ATF7IP2: variants seen among roughly 807,000 people sequenced by gnomAD.
ATF7IP2 encodes the protein activating transcription factor 7 interacting protein 2, also known as activating transcription factor 7-interacting protein 2.
ATF7IP2 carries 42 observed loss-of-function variants against 64.2 expected under a neutral mutation model. That is an observed-to-expected ratio of 0.65 (90% CI 0.51 to 0.85). ATF7IP2 has a LOEUF of 0.85. Ranked by LOEUF, ATF7IP2 falls within the 40% of genes least tolerant of loss-of-function variation. ATF7IP2 has a pLI of 0.00. For missense variants in ATF7IP2, 933 were observed against 784.2 expected, an observed-to-expected ratio of 1.19 and a Z score of -2.27; for synonymous variants, 308 against 272.8, an observed-to-expected ratio of 1.13 and a Z score of -1.27.
chr16:10,470,286 T>C lies in ATF7IP2; in HGVS notation c.1353-1824T>C, dbSNP rs190816818. Among the ~76,000 whole-genome samples the C allele has an allele frequency of 1.4e-4, 22 of 152,266 alleles. No individual in the cohort carries two copies. The East Asian group carries it at 4.2e-3, about 29-fold the overall frequency. ...TTTGAAATTTAAAATGGATGCCATT[T>C]ACAATGACTTCAGAGAACATAATAT... On this transcript the variant is annotated intron_variant, in intron 9 of 13. Transcript: ENST00000562102.
intron 7 of ATF7IP2, 119 bp downstream of exon 7, chr16:10,438,354 A>T (rs1532824): frequency 5.9e-6 from 6 of 1,015,846 alleles, no homozygotes; most frequent in Non-Finnish European, 6.8e-6. Flanking sequence ...AAGCAATCCT[A>T]CCACCTCAGT....
chr16:10,457,250 C>A, intron 8 of ATF7IP2, 122 bp from the exon 9 acceptor site: 1 of 786,468 alleles, frequency 1.3e-6, no homozygotes, highest in Non-Finnish European at 2.0e-6. Flanking sequence ...CATCGAAATA[C>A]ATGTGATTTA....
chr16:10,456,498 T>A (rs951738535), intron 8 of ATF7IP2, among the ~76,000 whole-genome samples: 1 of 135,902 alleles, frequency 7.4e-6, no homozygotes, highest in Non-Finnish European at 1.6e-5. Context: ...CCTGGCCTCT[T>A]CTTTTAAGCT....
At chr16:10,422,773 C>T (rs141891409) in intron 3 of ATF7IP2, among the ~76,000 whole-genome samples, 1 of 152,232 alleles carries the variant, frequency 6.6e-6, no homozygotes, top group African/African-American at 2.4e-5. Context: ...TTTGTGCTTC[C>T]AAATCCTCCT....
intron 1 of ATF7IP2, among the ~76,000 whole-genome samples, chr16:10,405,372 CA>C (rs906270347): frequency 1.2e-3 from 169 of 144,850 alleles, no homozygotes; most frequent in African/African-American, 3.3e-3. Context: ...AACTCCATCT[CA>C]AAAAAAAAAA....
At chr16:10,439,563 C>G (rs1470172919) in intron 7 of ATF7IP2, among the ~76,000 whole-genome samples, 3 of 121,214 alleles carry the variant, frequency 2.5e-5, no homozygotes, top group African/African-American at 6.4e-5. Context: ...TAAACAGTCT[C>G]ACTCTGTCGC....
chr16:10,482,720 T>C lies in ATF7IP2; in HGVS notation c.*471T>C, dbSNP rs568981980. 6 of 152,210 alleles carry C rather than the reference T, an allele frequency of 3.9e-5. No individual in the cohort carries two copies. In the East Asian group the frequency reaches 1.2e-3, roughly 29 times the overall value. 9.4% of individuals were successfully genotyped at this position (152,210 alleles called of 1,614,324 possible). A position where few individuals can be genotyped will look rare whatever the true frequency, so the allele number is the denominator to read the frequency against. ...TGTTGGGCTGCATGATAAAAGTTAATTATAAAAATTAAAAGATTTTTTTTT... is the reference window on the plus strand; with the variant it reads ...TGTTGGGCTGCATGATAAAAGTTAACTATAAAAATTAAAAGATTTTTTTTT... On this transcript the variant is annotated 3_prime_UTR_variant, in exon 14 of 14. Coordinates refer to ENST00000562102, the MANE Select transcript of ATF7IP2 (RefSeq NM_001393719.1).
At chr16:10,414,395 T>C (rs1362584567) in intron 1 of ATF7IP2, among the ~76,000 whole-genome samples, 179 bp from the exon 2 acceptor site, 1 of 152,102 alleles carries the variant, frequency 6.6e-6, no homozygotes, top group African/African-American at 2.4e-5. Flanking sequence ...TTTGCATTTC[T>C]ATAAATGTGT....
rs370684920 is a variant in ATF7IP2, at chr16:10,431,731, A to G, written c.835+276A>G. The stretch of plus-strand genomic sequence containing the variant: ...ATAGCAATTATTTGGTTCATTTCAT[A>G]TACATCTCTTCTTATTTTGAAGTTT... On this transcript the variant is annotated intron_variant, in intron 5 of 13. Transcript: ENST00000562102. 6.8e-4 allele frequency among the ~76,000 whole-genome samples: 104 copies of G among 152,106 alleles called. 1 individual carries two copies. The South Asian group carries it at 0.019, about 28-fold the overall frequency.
chr16:10,434,103 T>G (rs1432627300), intron 6 of ATF7IP2, among the ~76,000 whole-genome samples: 4 of 152,230 alleles, frequency 2.6e-5, no homozygotes, highest in Non-Finnish European at 5.9e-5. Context: ...CCCTGTGCAT[T>G]CAGGTTTACT....
At chr16:10,457,210 G>C in intron 8 of ATF7IP2, 162 bp from the exon 9 acceptor site, 1 of 570,322 alleles carries the variant, frequency 1.8e-6, no homozygotes, top group Non-Finnish European at 3.0e-6. Flanking sequence ...AATTCATTTT[G>C]GCAGGCAAAT....
intron 8 of ATF7IP2, among the ~76,000 whole-genome samples, chr16:10,443,250 A>G (rs2048689672): frequency 6.6e-6 from 1 of 152,104 alleles, no homozygotes; most frequent in Non-Finnish European, 1.5e-5. Context: ...GAAATGCCAA[A>G]TTTTCTCCCT....
chr16:10,473,925 T>C lies in ATF7IP2; in HGVS notation c.1485T>C (p.Ala495=). The part of the protein sequence containing the change: ...SSNSPNAEVM[A]VQKKLDSIID... ...TTTTTTTTTTACAATTTTTTTAGGC[T>C]GTACAGAAGAAACTTGATTCTATAA... The change falls in exon 12 of 14, where the codon GCT becomes GCC. Residue 495 remains alanine, a splice_region_variant and synonymous_variant. Transcript: ENST00000562102. 1.3e-6 allele frequency: 2 copies of C among 1,550,208 alleles called. No individual in the cohort carries two copies. The highest frequency in any genetic ancestry group is 1.4e-5 in the African/African-American group (1 of 71,878).
chr16:10,469,629 G>C (rs952695211), intron 9 of ATF7IP2, among the ~76,000 whole-genome samples: 1 of 152,002 alleles, frequency 6.6e-6, no homozygotes, highest in Non-Finnish European at 1.5e-5. Flanking sequence ...TATAAAATTA[G>C]CCCAGCATTG....
intron 9 of ATF7IP2, among the ~76,000 whole-genome samples, chr16:10,468,707 A>C (rs1331831914): frequency 1.3e-5 from 2 of 152,244 alleles, no homozygotes; most frequent in African/African-American, 4.8e-5. Flanking sequence ...ATATTGGCTG[A>C]ATACAGATCT....
At chr16:10,430,132 G>C (rs1448449174) in intron 4 of ATF7IP2, among the ~76,000 whole-genome samples, 1 of 152,064 alleles carries the variant, frequency 6.6e-6, no homozygotes, top group Non-Finnish European at 1.5e-5. Context: ...GGGATTACAG[G>C]CATGAGCCAC....
intron 9 of ATF7IP2, among the ~76,000 whole-genome samples, chr16:10,460,666 T>C (rs969254444): frequency 6.6e-6 from 1 of 152,138 alleles, no homozygotes. Flanking sequence ...GGGGGAAATA[T>C]GAAATTGGAC....
chr16:10,446,154 T>A (rs566244396), intron 8 of ATF7IP2: 1 of 152,322 alleles, frequency 6.6e-6, no homozygotes, highest in African/African-American at 2.4e-5. Flanking sequence ...TATAAATAAG[T>A]GCTGCCCTGT....
intron 1 of ATF7IP2, among the ~76,000 whole-genome samples, chr16:10,393,045 C>G (rs1351251051): frequency 6.6e-6 from 1 of 151,342 alleles, no homozygotes; most frequent in Admixed American, 6.6e-5. Flanking sequence ...TGCGATGGCT[C>G]ACACCTGTAA....
Sources: gnomAD v4.1 joint callset for allele counts (sites outside exome capture counted in the v4.1 genomes callset) on GRCh38, gnomAD v4.1.1 for gene constraint, MANE v1.5 for transcripts, NCBI Gene and HGNC (gene_info 2026-07-23, HGNC 2026-07-21) for gene names.